The following VWF variants were observed in gnomAD, a reference collection of about 807,000 sequenced individuals.
VWF encodes von Willebrand factor.
In VWF, 176 loss-of-function variants were observed where a neutral mutation model predicts 308.6. That is an observed-to-expected ratio of 0.57 (90% confidence interval 0.50 to 0.65). The LOEUF (loss-of-function observed/expected upper bound fraction) is 0.65. VWF is among the 30% of genes least tolerant of loss of function. VWF has a pLI of 0.00. For synonymous variants in VWF, 1,385 were observed against 1,443.4 expected (o/e 0.96, Z 0.92); for missense variants, 3,146 against 3,648.2 (o/e 0.86, Z 3.55).
chr12:6,009,850 G>A (rs4021580), intron 34 of VWF, among the ~76,000 whole-genome samples: 4 of 152,210 alleles, frequency 2.6e-5, no homozygotes, highest in Non-Finnish European at 4.4e-5. Context: ...CTTGGAGGAT[G>A]TTAAGCTAAG....
intron 39 of VWF, among the ~76,000 whole-genome samples, 180 bp downstream of exon 39, chr12:5,985,383 A>C (rs964099617): frequency 5.9e-5 from 9 of 152,214 alleles, no homozygotes; most frequent in African/African-American, 2.2e-4. Flanking sequence ...CCCCAGGTGC[A>C]GAATGGGGCT....
rs553942337 is a variant in VWF, at chr12:6,103,400, G to A, written c.532+6974C>T. On this transcript the variant is annotated intron_variant, in intron 5 of 51. Coordinates refer to ENST00000261405, the MANE Select transcript of VWF (RefSeq NM_000552.5). ...TGTGTATACACGTGTGTGTATACACGTGTGTGTATACACACGTGTGTGTAT... is the reference window on the plus strand; with the variant it reads ...TGTGTATACACGTGTGTGTATACACATGTGTGTATACACACGTGTGTGTAT... Among the ~76,000 whole-genome samples the A allele has an allele frequency of 3.3e-3, 347 of 104,138 alleles. 7 individuals carry two copies. The highest frequency in any genetic ancestry group is 6.8e-3 in the South Asian group (28 of 4,144). The allele number at this position is 104,138 out of a possible 152,430, so 68.3% of individuals were successfully genotyped here. A position where few individuals can be genotyped will look rare whatever the true frequency, so the allele number is the denominator to read the frequency against.
In VWF at chr12:6,056,871, T is replaced by TCGCGCCACGCGACGCG. The variant is rs1161072954; in HGVS notation, c.1915_1930dup (p.Glu644AlafsTer11). 1 of 1,469,078 alleles carries TCGCGCCACGCGACGCG rather than the reference T, an allele frequency of 6.8e-7. No homozygotes were observed. The highest frequency in any genetic ancestry group is 8.9e-7 in the Non-Finnish European group (1 of 1,119,850). The allele number at this position is 1,469,078 out of a possible 1,614,324, so 91.0% of individuals were successfully genotyped here. A position where few individuals can be genotyped will look rare whatever the true frequency, so the allele number is the denominator to read the frequency against. The stretch of plus-strand genomic sequence containing the variant: ...AGGGCACGCACCACAGCGGCCTGGC[T>TCGCGCCACGCGACGCG]CGCGCCACGCGACGCGCACGCCTCT... On this transcript the variant is annotated frameshift_variant, in exon 15 of 52. Coordinates refer to ENST00000261405, the MANE Select transcript of VWF (RefSeq NM_000552.5). LOFTEE classifies it high-confidence loss of function.
At chr12:6,106,149 T>A (rs1945241192) in intron 5 of VWF, among the ~76,000 whole-genome samples, 1 of 152,198 alleles carries the variant, frequency 6.6e-6, no homozygotes, top group Non-Finnish European at 1.5e-5. Context: ...AATCTAAGTG[T>A]CTACTGATGG....
intron 5 of VWF, among the ~76,000 whole-genome samples, chr12:6,103,427 C>CACGTGTGTGTAT (rs746561782): frequency 6.2e-5 from 7 of 112,692 alleles, no homozygotes; most frequent in African/African-American, 4.3e-4. Context: ...TGTGTGTATA[C>CACGTGTGTGTAT]ACACGTGTGT....
chr12:6,050,400 A>G (rs936420649), intron 16 of VWF, among the ~76,000 whole-genome samples: 1 of 152,172 alleles, frequency 6.6e-6, no homozygotes, highest in Non-Finnish European at 1.5e-5. Flanking sequence ...CCCTGCCATC[A>G]TACCTCATGC....
intron 34 of VWF, among the ~76,000 whole-genome samples, chr12:6,007,232 TCAAA>T (rs1267047967): frequency 6.6e-6 from 1 of 152,194 alleles, no homozygotes; most frequent in Admixed American, 6.5e-5. Context: ...AGTGGACCTA[TCAAA>T]CAAATACAGA....
intron 34 of VWF, among the ~76,000 whole-genome samples, chr12:6,009,426 AACAC>A (rs3062550): frequency 0.45 from 65,870 of 146,356 alleles, 15,168 homozygotes; most frequent in East Asian, 0.58. Context: ...GCCATTATCA[AACAC>A]ACACACACAC....
chr12:5,994,428 C>T lies in VWF; in HGVS notation c.6243G>A (p.Thr2081=), dbSNP rs755072784. Residue 2081 remains threonine, a synonymous_variant, in exon 36 of 52, where the codon ACG becomes ACA. Coordinates refer to ENST00000261405, the MANE Select transcript of VWF (RefSeq NM_000552.5). ...AAATGTTCTTACCACACAGACCATACGTCTTTGAAGCAAAAGTCTTGGGGC... is the reference window on the plus strand; with the variant it reads ...AAATGTTCTTACCACACAGACCATATGTCTTTGAAGCAAAAGTCTTGGGGC... ...QLSPKTFASK[T]YGLCGICDEN... is the part of the protein sequence containing the mutation. 76 of 1,614,004 alleles carry T rather than the reference C, an allele frequency of 4.7e-5. No homozygotes were observed. The highest frequency in any genetic ancestry group is 5.7e-5 in the Non-Finnish European group (67 of 1,180,032).
rs200927642 is a variant in VWF, at chr12:6,111,827, T to TGGC, written c.221-862_221-860dup. 9.7e-3 allele frequency among the ~76,000 whole-genome samples: 1,474 copies of TGGC among 152,006 alleles called. 19 individuals carry two copies. The highest frequency in any genetic ancestry group is 0.047 in the South Asian group (225 of 4,802). ...AAAAAAATTAGCCAGGCGAGGTGGCTGGCGTCTGTGGTCCCAGTTCTTTGG... is the reference window on the plus strand; with the variant it reads ...AAAAAAATTAGCCAGGCGAGGTGGCTGGCGGCGTCTGTGGTCCCAGTTCTTTGG... On this transcript the variant is annotated intron_variant, in intron 3 of 51. Transcript: ENST00000261405.
Position 6,019,244 on chromosome 12 carries a change from G to A in VWF, c.4174C>T (p.Arg1392Trp), listed in dbSNP as rs555891676. Residue 1392 changes from arginine to tryptophan, a missense_variant, in exon 28 of 52, where the codon CGG (arginine) becomes TGG (tryptophan). Arg to Trp is a moderately radical substitution (Grantham distance 101). This residue lies in a region of VWF where 853 missense variants were observed against 1,177.8 expected (regional missense o/e 0.72). Transcript: ENST00000261405. The surrounding 1 kb of genome is among the most constrained non-coding windows in gnomAD (Gnocchi z 5.8). ...LLLMASQEPQ[R>W]MSRNFVRYVQ... Reference sequence around the variant, plus strand: ...TAGCGGACAAAGTTCCGGGACATCCGTTGGGGCTCCTGGCTGGCCATCAGG... The same window carrying A: ...TAGCGGACAAAGTTCCGGGACATCCATTGGGGCTCCTGGCTGGCCATCAGG... The A allele has an allele frequency of 8.1e-6, 13 of 1,613,904 alleles. No homozygotes were observed. The highest frequency in any genetic ancestry group is 4.0e-5 in the African/African-American group (3 of 75,008).
Position 5,996,194 on chromosome 12 carries a change from G to A in VWF, c.5871C>T (p.His1957=), listed in dbSNP as rs1943806513. Reference sequence around the variant, plus strand: ...AATTCTGCCCATCAAAGGTCACGATGTGCCGAGTGGAGCTGCCTGTGCACA... The same window carrying A: ...AATTCTGCCCATCAAAGGTCACGATATGCCGAGTGGAGCTGCCTGTGCACA... ...PCVCTGSSTR[H]IVTFDGQNFK... Residue 1957 remains histidine (H), a synonymous_variant, in exon 35 of 52, where the codon CAC becomes CAT. Transcript: ENST00000261405. 2 of 1,613,652 alleles carry A rather than the reference G, an allele frequency of 1.2e-6. No homozygotes were observed. Among genetic ancestry groups the A allele is most frequent in the East Asian group, 2.2e-5 (1 of 44,872 alleles).
Position 6,094,362 on chromosome 12 carries a change from G to T in VWF, c.657+1098C>A, listed in dbSNP as rs76484124. Reference sequence around the variant, plus strand: ...CAACTATAAAGTAGTTTTCCTTCCAGCTGAGCTGGTATAAGAGGAGGCTTT... The same window carrying T: ...CAACTATAAAGTAGTTTTCCTTCCATCTGAGCTGGTATAAGAGGAGGCTTT... On this transcript the variant is annotated intron_variant, in intron 6 of 51. Coordinates refer to ENST00000261405, the MANE Select transcript of VWF (RefSeq NM_000552.5). Among the ~76,000 whole-genome samples the T allele has an allele frequency of 2.1e-4, 32 of 152,300 alleles. No homozygotes were observed. In the East Asian group the frequency reaches 6.0e-3, roughly 29 times the overall value.
chr12:5,964,270 A>ACATGCATACATACATACATG (rs1943369077), intron 47 of VWF, among the ~76,000 whole-genome samples: 2 of 139,066 alleles, frequency 1.4e-5, no homozygotes, highest in Admixed American at 6.9e-5. Flanking sequence ...ATACATACAT[A>ACATGCATACATACATACATG]CATGCATACA....
At chr12:6,093,287 G>T (rs1427046178) in intron 6 of VWF, among the ~76,000 whole-genome samples, 4 of 152,050 alleles carry the variant, frequency 2.6e-5, no homozygotes, top group Non-Finnish European at 1.5e-5. Context: ...TGGCTGCCAA[G>T]GGCTCACCAC....
rs1943358207 is a variant in VWF, at chr12:5,964,226, A to ACATACATACATACATACATACATACATG, written c.7887+3259_7887+3260insCATGTATGTATGTATGTATGTATGTATG. Among the ~76,000 whole-genome samples the ACATACATACATACATACATACATACATG allele has an allele frequency of 8.2e-4, 105 of 127,818 alleles. 1 individual carries two copies. Among genetic ancestry groups the ACATACATACATACATACATACATACATG allele is most frequent in the African/African-American group, 3.2e-3 (98 of 31,108 alleles). 83.9% of individuals were successfully genotyped at this position (127,818 alleles called of 152,430 possible). A position where few individuals can be genotyped will look rare whatever the true frequency, so the allele number is the denominator to read the frequency against. On this transcript the variant is annotated intron_variant, in intron 47 of 51. Transcript: ENST00000261405. The stretch of plus-strand genomic sequence containing the variant: ...AGAGAGACTCTGTCTAAAAATACAT[A>ACATACATACATACATACATACATACATG]CATACATACATACATACATACATGC...
rs1376791036 is a variant in VWF at position 6,031,514 on chromosome 12, G to A, written c.2750C>T (p.Pro917Leu). 6.2e-7 allele frequency: 1 copy of A among 1,613,924 alleles called. No homozygotes were observed. Among genetic ancestry groups the A allele is most frequent in the Non-Finnish European group, 8.5e-7 (1 of 1,180,016 alleles). The change falls in exon 21 of 52, where the codon CCC becomes CTC. Residue 917 changes from proline (P) to leucine (L), a missense_variant. Physicochemically the swap from Pro to Leu is moderately conservative, Grantham distance 98. Transcript: ENST00000261405. The part of the protein sequence containing the change: ...ILVGNKGCSH[P>L]SVKCKKRVTI... ...GACCCGTTTCTTGCATTTCACTGAG[G>A]GGTGGCTGCATCCCTTATTCCCCAC...
At chr12:6,111,589 GGTCTTGA>G (rs1357734083) in intron 3 of VWF, among the ~76,000 whole-genome samples, 1 of 152,084 alleles carries the variant, frequency 6.6e-6, no homozygotes, top group Non-Finnish European at 1.5e-5. Context: ...CGCCCAGGCT[GGTCTTGA>G]GCTCCTTGGT....
chr12:5,951,073 G>A (rs914187400), intron 50 of VWF, among the ~76,000 whole-genome samples: 1 of 151,776 alleles, frequency 6.6e-6, no homozygotes, highest in African/African-American at 2.4e-5. Flanking sequence ...GGGCAGAAAA[G>A]AAATACCCTA....
Sources: gnomAD v4.1 joint callset for allele counts (sites outside exome capture counted in the v4.1 genomes callset) on GRCh38, gnomAD v4.1.1 for gene constraint, gnomAD v4.1.1 regional missense constraint, Gnocchi (gnomAD v3.1) non-coding constraint, MANE v1.5 for transcripts, NCBI Gene and HGNC (gene_info 2026-07-23, HGNC 2026-07-21) for gene names.